KDM3B: variants seen among roughly 807,000 people sequenced by gnomAD.
KDM3B encodes the protein lysine demethylase 3B, also known as lysine-specific demethylase 3B.
A neutral mutation model predicts 170.0 loss-of-function variants in KDM3B; 10 were observed. The ratio of observed to expected loss-of-function variants is 0.06; its 90% CI spans 0.04 to 0.10. The LOEUF (loss-of-function observed/expected upper bound fraction) is 0.10. Among genes scored for constraint, KDM3B ranks in the 10% least tolerant of loss-of-function variants. KDM3B has a pLI of 1.00. For synonymous variants in KDM3B, 831 were observed against 834.8 expected, an observed-to-expected ratio of 1.00 and a Z score of 0.08; for missense variants, 1,394 against 2,195.2, an observed-to-expected ratio of 0.64 and a Z score of 7.29.
At chr5:138,367,085 C>A (rs1373977666) in intron 1 of KDM3B, among the ~76,000 whole-genome samples, 1 of 152,194 alleles carries the variant, frequency 6.6e-6, no homozygotes, top group Non-Finnish European at 1.5e-5. Flanking sequence ...TTGTATACTA[C>A]TACCTCTTCT....
chr5:138,366,353 G>A (rs1003983294), intron 1 of KDM3B, among the ~76,000 whole-genome samples: 5 of 151,296 alleles, frequency 3.3e-5, no homozygotes, highest in African/African-American at 1.2e-4. Flanking sequence ...TCTTTTTTGA[G>A]ACAGGGTCTC....
intron 1 of KDM3B, among the ~76,000 whole-genome samples, chr5:138,353,517 A>G (rs939101470): frequency 6.6e-6 from 1 of 152,024 alleles, no homozygotes. Flanking sequence ...TTACTTCCTC[A>G]TCTGAGCTGG....
chr5:138,417,168 C>T (rs1023469675), intron 12 of KDM3B, among the ~76,000 whole-genome samples: 9 of 152,168 alleles, frequency 5.9e-5, no homozygotes, highest in African/African-American at 2.2e-4. Flanking sequence ...AGAGTTTCTC[C>T]TGGAGGATAC....
At chr5:138,375,345 G>T in intron 3 of KDM3B, 139 bp downstream of exon 3, 1 of 379,836 alleles carries the variant, frequency 2.6e-6, no homozygotes, top group Non-Finnish European at 4.7e-6. Context: ...CAATAAATAT[G>T]CTGTGCCTTT....
intron 4 of KDM3B, 44 bp downstream of exon 4, chr5:138,377,869 A>T (rs1384218086): frequency 1.5e-6 from 2 of 1,378,198 alleles, no homozygotes; most frequent in Non-Finnish European, 2.1e-6. Flanking sequence ...GATTCAGGTG[A>T]ATGATCACTG....
chr5:138,410,806 G>A lies in KDM3B; in HGVS notation c.3200-4326G>A, dbSNP rs539909730. 3.3e-5 allele frequency among the ~76,000 whole-genome samples: 5 copies of A among 152,286 alleles called. No homozygotes were observed. The South Asian group carries it at 1.0e-3, about 32-fold the overall frequency. On this transcript the variant is annotated intron_variant, in intron 11 of 23. Coordinates refer to ENST00000314358, the MANE Select transcript of KDM3B (RefSeq NM_016604.4). ...TTCCCTGCCTGGCAGCCGAGGCAGA[G>A]AGAGAGAGGAGACAAAGAGAAAGAC... is the stretch of plus-strand genomic sequence containing the variant.
At position 138,373,524 on chromosome 5, in the gene KDM3B, TGGTGCAATCAGAGCTC is replaced by T. The variant is rs966068070; in HGVS notation, c.360+700_360+715del. Among the ~76,000 whole-genome samples, 5 of 152,056 alleles carry T rather than the reference TGGTGCAATCAGAGCTC, an allele frequency of 3.3e-5. 1 individual carries two copies. The highest frequency in any genetic ancestry group is 2.6e-4 in the Admixed American group (4 of 15,246). On this transcript the variant is annotated intron_variant, in intron 2 of 23. Transcript: ENST00000314358. Reference sequence around the variant, plus strand: ...CTCTGTCACTCAGGCTGGAATGCAGTGGTGCAATCAGAGCTCGGTGCAATCAGAGCTCACCGCAACC... The same window carrying T: ...CTCTGTCACTCAGGCTGGAATGCAGTGGTGCAATCAGAGCTCACCGCAACC...
At position 138,425,639 on chromosome 5, in the gene KDM3B, C is replaced by A. The variant is rs1190287895; in HGVS notation, c.4411+57C>A. 1.3e-5 allele frequency: 18 copies of A among 1,423,256 alleles called. No homozygotes were observed. In the South Asian group the frequency reaches 2.0e-4, roughly 16 times the overall value. The allele number at this position is 1,423,256 out of a possible 1,614,324, so 88.2% of individuals were successfully genotyped here. On this transcript the variant is annotated intron_variant, in intron 17 of 23. Transcript: ENST00000314358. ...GCAGACTGGAAAATAAGCATCTATA[C>A]GCCCAGCTCTGCCCTTGAATAATAA...
rs554403082 is a variant in KDM3B at position 138,385,078 on chromosome 5, G to A, written c.781-944G>A. Among the ~76,000 whole-genome samples the A allele has an allele frequency of 3.9e-5, 6 of 152,074 alleles. No homozygotes were observed. The East Asian group carries it at 1.2e-3, about 30-fold the overall frequency. On this transcript the variant is annotated intron_variant, in intron 6 of 23. Coordinates refer to ENST00000314358, the MANE Select transcript of KDM3B (RefSeq NM_016604.4). The stretch of plus-strand genomic sequence containing the variant: ...CTCTTGTTGCCCAGGCTGGAGTGCA[G>A]TGGCGCAATCTCGGCTCACTGCAAC...
At chr5:138,428,178 C>A in intron 20 of KDM3B, 92 bp downstream of exon 20, 12 of 1,213,656 alleles carry the variant, frequency 9.9e-6, no homozygotes, top group South Asian at 1.6e-5. Flanking sequence ...AGTGGCTTTT[C>A]CTTTTTTTTT....
At chr5:138,408,818 T>G (rs1020245778) in intron 11 of KDM3B, among the ~76,000 whole-genome samples, 1 of 152,190 alleles carries the variant, frequency 6.6e-6, no homozygotes, top group African/African-American at 2.4e-5. Flanking sequence ...AGAAAAATCA[T>G]TTGTCTAAAT....
In KDM3B at chr5:138,364,468, G is replaced by T. The variant is rs141154207; in HGVS notation, c.193-8206G>T. On this transcript the variant is annotated intron_variant, in intron 1 of 23. Transcript: ENST00000314358. ...TTTAGGCTTCATCTATAATGCCATGGTGAGCATTTTTGTGAATAAAACCTT... is the reference window on the plus strand; with the variant it reads ...TTTAGGCTTCATCTATAATGCCATGTTGAGCATTTTTGTGAATAAAACCTT... Among the ~76,000 whole-genome samples the T allele has an allele frequency of 4.6e-5, 7 of 151,872 alleles. No homozygotes were observed. In the East Asian group the frequency reaches 1.2e-3, roughly 25 times the overall value.
chr5:138,417,727 A>G, intron 13 of KDM3B, 117 bp downstream of exon 13: 1 of 1,033,528 alleles, frequency 9.7e-7, no homozygotes, highest in African/African-American at 1.6e-5. Context: ...GAATCAGGAG[A>G]TGGAGAAGCC....
At chr5:138,387,495 T>C (rs769298453) in intron 7 of KDM3B, among the ~76,000 whole-genome samples, 1 of 152,196 alleles carries the variant, frequency 6.6e-6, no homozygotes, top group Non-Finnish European at 1.5e-5. Context: ...GAAACTCCTA[T>C]TTGAAGGAGC....
intron 20 of KDM3B, among the ~76,000 whole-genome samples, chr5:138,428,557 C>T (rs1763453305): frequency 6.6e-6 from 1 of 152,046 alleles, no homozygotes; most frequent in South Asian, 2.1e-4. Context: ...TTGTTTCTTC[C>T]AGGTCTGATG....
At chr5:138,363,826 G>A (rs760152289) in intron 1 of KDM3B, among the ~76,000 whole-genome samples, 1 of 152,060 alleles carries the variant, frequency 6.6e-6, no homozygotes, top group African/African-American at 2.4e-5. Flanking sequence ...GATTACAGGC[G>A]TGAGCCATTG....
intron 1 of KDM3B, among the ~76,000 whole-genome samples, chr5:138,357,114 C>T (rs1049015156): frequency 8.7e-5 from 13 of 150,208 alleles, no homozygotes; most frequent in Non-Finnish European, 1.9e-4. Flanking sequence ...TCAAGCAATC[C>T]TCCCAGGGAC....
chr5:138,429,675 G>A (rs936695830), intron 20 of KDM3B, 151 bp from the exon 21 acceptor site: 1 of 767,300 alleles, frequency 1.3e-6, no homozygotes, highest in African/African-American at 1.8e-5. Flanking sequence ...TGTGTAGGGA[G>A]CTTAGACCAG....
intron 7 of KDM3B, among the ~76,000 whole-genome samples, chr5:138,389,679 A>G (rs1047423691): frequency 2.0e-5 from 3 of 151,988 alleles, no homozygotes; most frequent in Non-Finnish European, 2.9e-5. Flanking sequence ...AAAGTAATCT[A>G]TGGTTAGCAA....
Sources: allele counts gnomAD v4.1 joint callset (sites outside exome capture counted in the v4.1 genomes callset), GRCh38; gene constraint gnomAD v4.1.1; transcripts MANE v1.5; gene names NCBI Gene and HGNC (gene_info 2026-07-23, HGNC 2026-07-21).